The following TMEM258 variants were observed in gnomAD, a reference collection of about 807,000 sequenced individuals.
TMEM258 encodes the protein dolichyl-diphosphooligosaccharide--protein glycosyltransferase subunit TMEM258.
In TMEM258, 11 loss-of-function variants were observed where a neutral mutation model predicts 9.9. The ratio of observed to expected loss-of-function variants is 1.11; its 90% CI spans 0.70 to 1.85. TMEM258 has a LOEUF of 1.85. TMEM258 is among the 40% of genes most tolerant of loss of function. TMEM258 has a pLI of 0.00. For missense variants in TMEM258, 81 were observed against 99.7 expected, an observed-to-expected ratio of 0.81 and a Z score of 0.80; for synonymous variants, 40 against 39.1, an observed-to-expected ratio of 1.02 and a Z score of -0.09.
intron 1 of TMEM258, among the ~76,000 whole-genome samples, chr11:61,791,076 C>T (rs1237040489): frequency 1.3e-5 from 2 of 151,994 alleles, no homozygotes; most frequent in Non-Finnish European, 2.9e-5. Context: ...CTCAGCCTCT[C>T]GAGTAGCTGG....
chr11:61,792,582 C>T lies in TMEM258; in HGVS notation c.-24G>A, dbSNP rs373438941. The T allele has an allele frequency of 1.6e-5, 26 of 1,613,474 alleles. No homozygotes were observed. In the African/African-American group the frequency reaches 3.3e-4, roughly 21 times the overall value. On this transcript the variant is annotated 5_prime_UTR_variant, in exon 1 of 4. Coordinates refer to ENST00000537328, the MANE Select transcript of TMEM258 (RefSeq NM_014206.4). ...ATTTTGCCCCGCGAAGGCTAATCCG[C>T]CGCTCCGCCACCGGAAGAACACGTC... is the stretch of plus-strand genomic sequence containing the variant.
Position 61,789,027 on chromosome 11 carries a change from A to G in TMEM258, c.*219T>C, listed in dbSNP as rs2066760304. 1 of 152,518 alleles carries G rather than the reference A, an allele frequency of 6.6e-6. No individual in the cohort carries two copies. Among genetic ancestry groups the G allele is most frequent in the Non-Finnish European group, 1.5e-5 (1 of 68,086 alleles). 9.4% of individuals were successfully genotyped at this position (152,518 alleles called of 1,614,324 possible). On this transcript the variant is annotated 3_prime_UTR_variant, in exon 4 of 4. Transcript: ENST00000537328. The stretch of plus-strand genomic sequence containing the variant: ...CATCCCCCTTAAGTAGATCAGCAGC[A>G]GGAACTGTGAAAGGCAGATGAGAAA...
chr11:61,790,420 T>C, intron 2 of TMEM258, 73 bp downstream of exon 2: 1 of 1,357,812 alleles, frequency 7.4e-7, no homozygotes, highest in South Asian at 1.2e-5. Context: ...GGGGTCCATG[T>C]ACCTAGCGTG....
intron 1 of TMEM258, among the ~76,000 whole-genome samples, chr11:61,791,195 A>T (rs1188172945): frequency 6.6e-6 from 1 of 151,466 alleles, no homozygotes; most frequent in African/African-American, 2.4e-5. Context: ...ACCTCAGGTG[A>T]TCTGCCTGCC....
intron 2 of TMEM258, 97 bp from the exon 3 acceptor site, chr11:61,790,018 C>T (rs2135926010): frequency 6.9e-7 from 1 of 1,451,728 alleles, no homozygotes; most frequent in Non-Finnish European, 9.2e-7. Context: ...GGCTCAATGC[C>T]TTCTGGGAGG....
chr11:61,790,182 A>G (rs1192731293), intron 2 of TMEM258: 2 of 565,352 alleles, frequency 3.5e-6, no homozygotes, highest in African/African-American at 1.9e-5. Flanking sequence ...TAGCCCTCAG[A>G]CCTCCTGACA....
intron 2 of TMEM258, chr11:61,790,243 C>G: frequency 1.7e-6 from 1 of 581,816 alleles, no homozygotes; most frequent in East Asian, 2.9e-5. Context: ...CACCCCTATT[C>G]CCCACCTCCA....
chr11:61,792,343 GC>G, intron 1 of TMEM258: 1 of 593,816 alleles, frequency 1.7e-6, no homozygotes, highest in Non-Finnish European at 3.0e-6. Flanking sequence ...TTCAAAATTC[GC>G]CCCACGCCTC....
intron 3 of TMEM258, 96 bp downstream of exon 3, chr11:61,789,689 G>T: frequency 7.2e-7 from 1 of 1,397,946 alleles, no homozygotes; most frequent in South Asian, 1.5e-5. Context: ...GGGTCATGCT[G>T]GTAAGAGCTT....
intron 1 of TMEM258, 152 bp from the exon 2 acceptor site, chr11:61,790,754 T>C: frequency 1.6e-6 from 1 of 629,728 alleles, no homozygotes; most frequent in Non-Finnish European, 2.7e-6. Context: ...CTTATTAGCA[T>C]TTTCTGAGGC....
At chr11:61,792,481 G>A (rs1481434551) in intron 1 of TMEM258, 75 bp downstream of exon 1, 14 of 1,603,332 alleles carry the variant, frequency 8.7e-6, no homozygotes, top group Non-Finnish European at 1.2e-5. Flanking sequence ...CGGCGTCTGA[G>A]GAGATAAGCG....
Position 61,790,600 on chromosome 11 carries a change from C to G in TMEM258, c.6G>C (p.Glu2Asp). 1 of 1,612,854 alleles carries G rather than the reference C, an allele frequency of 6.2e-7. No homozygotes were observed. The highest frequency in any genetic ancestry group is 8.5e-7 in the Non-Finnish European group (1 of 1,179,220). M[E>D]LEAMSRYTSP... ...TGGTATATCTGCTCATGGCCTCGAG[C>G]TCCTAGAGGAGGGAAAGAGATCAGA... Residue 2 changes from glutamate to aspartate, a missense_variant and splice_region_variant, in exon 2 of 4, where the codon GAG (glutamate) becomes GAC (aspartate). Coordinates refer to ENST00000537328, the MANE Select transcript of TMEM258 (RefSeq NM_014206.4).
intron 1 of TMEM258, chr11:61,792,330 G>A (rs2066790482): frequency 1.7e-6 from 1 of 586,446 alleles, no homozygotes; most frequent in Non-Finnish European, 3.1e-6. Flanking sequence ...AAACTGGAAG[G>A]TATTCAAAAT....
chr11:61,790,020 T>C, intron 2 of TMEM258, 99 bp from the exon 3 acceptor site: 5 of 1,446,748 alleles, frequency 3.5e-6, no homozygotes, highest in Non-Finnish European at 3.7e-6. Flanking sequence ...CTCAATGCCT[T>C]CTGGGAGGCC....
intron 2 of TMEM258, 127 bp from the exon 3 acceptor site, chr11:61,790,048 C>T (rs1265732686): frequency 8.2e-7 from 1 of 1,216,374 alleles, no homozygotes; most frequent in African/African-American, 1.5e-5. Flanking sequence ...CTCAGAGCAG[C>T]CAGGCAGAGG....
intron 3 of TMEM258, 59 bp downstream of exon 3, chr11:61,789,726 G>T: frequency 6.5e-7 from 1 of 1,531,218 alleles, no homozygotes; most frequent in Non-Finnish European, 8.8e-7. Context: ...CTGACTCTGG[G>T]GAGGCTTCCC....
At chr11:61,790,699 C>CA (rs2066777892) in intron 1 of TMEM258, 97 bp from the exon 2 acceptor site, 5 of 1,058,524 alleles carry the variant, frequency 4.7e-6, no homozygotes, top group Non-Finnish European at 6.8e-6. Flanking sequence ...TGCCGTGAAA[C>CA]AGAGGCTGAT....
intron 3 of TMEM258, 106 bp downstream of exon 3, chr11:61,789,679 G>T: frequency 7.6e-7 from 1 of 1,312,700 alleles, no homozygotes; most frequent in South Asian, 1.6e-5. Flanking sequence ...ATCAACCAAG[G>T]GGTCATGCTG....
At chr11:61,790,407 G>A (rs771012909) in intron 2 of TMEM258, 86 bp downstream of exon 2, 24 of 1,183,570 alleles carry the variant, frequency 2.0e-5, no homozygotes, top group Non-Finnish European at 2.8e-5. Context: ...GTACAAAACC[G>A]GCGGGGTCCA....
Sources: gnomAD v4.1 joint callset for allele counts (sites outside exome capture counted in the v4.1 genomes callset) on GRCh38, gnomAD v4.1.1 for gene constraint, MANE v1.5 for transcripts, NCBI Gene and HGNC (gene_info 2026-07-23, HGNC 2026-07-21) for gene names.